Variants in NOL4L observed in about 807,000 individuals in gnomAD.
NOL4L encodes the protein nucleolar protein 4 like.
NOL4L carries 7 observed loss-of-function variants against 64.5 expected under a neutral mutation model. That is an observed-to-expected ratio of 0.11 (90% CI 0.06 to 0.20). NOL4L has a LOEUF of 0.20. Among genes scored for constraint, NOL4L ranks in the 10% least tolerant of loss-of-function variants. The pLI, the probability that NOL4L is intolerant of heterozygous loss-of-function variation, is 1.00. For synonymous variants in NOL4L, 413 were observed against 401.0 expected, an observed-to-expected ratio of 1.03 and a Z score of -0.36; for missense variants, 680 against 967.1, an observed-to-expected ratio of 0.70 and a Z score of 3.94.
intron 1 of NOL4L, among the ~76,000 whole-genome samples, chr20:32,570,325 C>T (rs1979680012): frequency 6.6e-6 from 1 of 152,214 alleles, no homozygotes; most frequent in Non-Finnish European, 1.5e-5. Flanking sequence ...AATCCTCCAT[C>T]ACATCTTAGG....
chr20:32,485,085 A>AAAAAAAAAAAAAAAAAC (rs1568643237), intron 4 of NOL4L, among the ~76,000 whole-genome samples: 8 of 144,414 alleles, frequency 5.5e-5, no homozygotes, highest in Admixed American at 1.4e-4. Flanking sequence ...AAAAAAAAAA[A>AAAAAAAAAAAAAAAAAC]AACAACTAAA....
rs2017046821 is a variant in NOL4L, at chr20:32,504,327, G to A, written c.699+7020C>T. On this transcript the variant is annotated intron_variant, in intron 4 of 10. Coordinates refer to ENST00000621426, the MANE Select transcript of NOL4L (RefSeq NM_001256798.2). ...TGTAATCCCAGCACTTTGGGAGGCT[G>A]AGGTGGGTAGATCACGAGGTCAGTA... Among the ~76,000 whole-genome samples, 4 of 152,250 alleles carry A rather than the reference G, an allele frequency of 2.6e-5. No individual in the cohort carries two copies. The South Asian group carries it at 8.3e-4, about 32-fold the overall frequency.
chr20:32,453,044 G>A lies in NOL4L; in HGVS notation c.1498-38C>T, dbSNP rs752083546. On this transcript the variant is annotated intron_variant, in intron 8 of 10. Coordinates refer to ENST00000621426, the MANE Select transcript of NOL4L (RefSeq NM_001256798.2). This position sits in a 1 kb window ranked among gnomAD's most constrained non-coding sequence, Gnocchi z 5.6. ...CGGGGATGGAGCTAGCATGGGGCCC[G>A]TGGGGGCCCTGGGCTTGTGCAGAGA... 1.2e-5 allele frequency: 20 copies of A among 1,609,250 alleles called. No homozygotes were observed. The highest frequency in any genetic ancestry group is 1.4e-5 in the Non-Finnish European group (16 of 1,179,420).
At chr20:32,511,244 C>T (rs780029440) in intron 4 of NOL4L, 103 bp downstream of exon 4, 8 of 703,514 alleles carry the variant, frequency 1.1e-5, no homozygotes, top group South Asian at 3.6e-5. Context: ...TTTGATTTCC[C>T]GTGTGTTTAC....
At position 32,453,775 on chromosome 20, in the gene NOL4L, A is replaced by G; in HGVS notation, c.1120-14T>C. On this transcript the variant is annotated splice_polypyrimidine_tract_variant and intron_variant, in intron 6 of 10. Transcript: ENST00000621426. The surrounding 1 kb of genome is among the most constrained non-coding windows in gnomAD (Gnocchi z 5.6). Reference sequence around the variant, plus strand: ...GTAGGGGGGGGACTAAAAGGAGGGCAAGAGGCAGAGGGTTGGGCCAAGCAG... The same window carrying G: ...GTAGGGGGGGGACTAAAAGGAGGGCGAGAGGCAGAGGGTTGGGCCAAGCAG... 3 of 1,551,590 alleles carry G rather than the reference A, an allele frequency of 1.9e-6. No homozygotes were observed. Among genetic ancestry groups the G allele is most frequent in the Non-Finnish European group, 2.6e-6 (3 of 1,146,850 alleles).
chr20:32,520,934 A>G lies in NOL4L; in HGVS notation c.478-12T>C. 2.0e-6 allele frequency: 3 copies of G among 1,534,544 alleles called. No individual in the cohort carries two copies. Among genetic ancestry groups the G allele is most frequent in the Non-Finnish European group, 2.6e-6 (3 of 1,133,516 alleles). ...TAGGTCTCTGCGATCTGGAGGAGAG[A>G]AGAGCTTCGCTTGTTATATGGATCT... On this transcript the variant is annotated splice_polypyrimidine_tract_variant and intron_variant, in intron 2 of 10. Coordinates refer to ENST00000621426, the MANE Select transcript of NOL4L (RefSeq NM_001256798.2).
At chr20:32,502,881 G>T (rs2145540485) in intron 4 of NOL4L, among the ~76,000 whole-genome samples, 1 of 152,302 alleles carries the variant, frequency 6.6e-6, no homozygotes, top group Non-Finnish European at 1.5e-5. Flanking sequence ...TTGCACTCCA[G>T]CCTGGGCAGC....
chr20:32,478,129 C>G (rs55652335), intron 4 of NOL4L, among the ~76,000 whole-genome samples: 210 of 152,266 alleles, frequency 1.4e-3, no homozygotes, highest in Non-Finnish European at 2.1e-3. Context: ...TGTCACCGCA[C>G]CATGGGCCAC....
chr20:32,488,821 CTTTCTTTTTCTTTCTT>C (rs1568648666), intron 4 of NOL4L, among the ~76,000 whole-genome samples: 590 of 31,118 alleles, frequency 0.019, 19 homozygotes, highest in Admixed American at 0.036. Flanking sequence ...TTCTTTCTTT[CTTTCTTTTTCTTTCTT>C]TCTTTCTTTC....
chr20:32,577,732 AG>A (rs1980205179), intron 1 of NOL4L, among the ~76,000 whole-genome samples: 1 of 152,240 alleles, frequency 6.6e-6, no homozygotes, highest in African/African-American at 2.4e-5. Context: ...AACATTTCTC[AG>A]GCCCCTGATA....
At chr20:32,503,484 T>C (rs1429168750) in intron 4 of NOL4L, among the ~76,000 whole-genome samples, 7 of 152,092 alleles carry the variant, frequency 4.6e-5, no homozygotes, top group African/African-American at 1.7e-4. Context: ...GAGAGCCCCA[T>C]GGGGAGAGAA....
intron 3 of NOL4L, chr20:32,519,650 G>C (rs541121297): frequency 6.6e-6 from 1 of 152,424 alleles, no homozygotes; most frequent in Admixed American, 6.5e-5. Context: ...CAAACAGATG[G>C]GCCCCCAGAT....
In NOL4L at chr20:32,447,130, G is replaced by T; in HGVS notation, c.*466C>A. 2.4e-6 allele frequency: 1 copy of T among 425,404 alleles called. No individual in the cohort carries two copies. Among genetic ancestry groups the T allele is most frequent in the South Asian group, 1.8e-5 (1 of 57,066 alleles). The allele number at this position is 425,404 out of a possible 1,614,324, so 26.4% of individuals were successfully genotyped here. A position where few individuals can be genotyped will look rare whatever the true frequency, so the allele number is the denominator to read the frequency against. ...TCAGACAGACACAGACTAGCAATCT[G>T]TACAAACACAAAAGAATCCATTTTC... is the stretch of plus-strand genomic sequence containing the variant. On this transcript the variant is annotated 3_prime_UTR_variant, in exon 11 of 11. Transcript: ENST00000621426.
intron 1 of NOL4L, among the ~76,000 whole-genome samples, chr20:32,533,762 G>A (rs1600846808): frequency 1.3e-5 from 2 of 152,306 alleles, no homozygotes; most frequent in Admixed American, 1.3e-4. Flanking sequence ...TCCCTTGGCA[G>A]GTCCTTTCTG....
chr20:32,458,928 C>G (rs1336058534), intron 5 of NOL4L, among the ~76,000 whole-genome samples: 1 of 152,256 alleles, frequency 6.6e-6, no homozygotes, highest in East Asian at 1.9e-4. Flanking sequence ...GCTCAGGGTG[C>G]TCCTGGAGCC....
chr20:32,576,479 C>T (rs989951422), intron 1 of NOL4L, among the ~76,000 whole-genome samples: 24 of 152,096 alleles, frequency 1.6e-4, no homozygotes, highest in African/African-American at 5.3e-4. Context: ...GGAAGGGCAG[C>T]GAGGAAGTGA....
intron 4 of NOL4L, among the ~76,000 whole-genome samples, chr20:32,510,960 G>A (rs1374471770): frequency 6.6e-6 from 1 of 152,112 alleles, no homozygotes; most frequent in Non-Finnish European, 1.5e-5. Flanking sequence ...AGAGGCCACA[G>A]GCAGGCGGCT....
chr20:32,477,077 C>T (rs993002941), intron 4 of NOL4L, among the ~76,000 whole-genome samples: 2 of 152,202 alleles, frequency 1.3e-5, no homozygotes, highest in South Asian at 2.1e-4. Context: ...CTGGCAGGGC[C>T]GTACCTGCCA....
Position 32,584,745 on chromosome 20 carries a change from T to C in NOL4L, c.146A>G (p.Tyr49Cys). ...AKTKTVTRSK[Y>C]QRIAEVLQGG... is the part of the protein sequence containing the mutation. Reference sequence around the variant, plus strand: ...CTGCAGGACCTCGGCGATCCGCTGGTATTTGCTGCGTGTCACCGTCTTGGT... The same window carrying C: ...CTGCAGGACCTCGGCGATCCGCTGGCATTTGCTGCGTGTCACCGTCTTGGT... Residue 49 changes from tyrosine to cysteine, a missense_variant, in exon 1 of 11, where the codon TAC becomes TGC. Around this residue, in one of 4 missense-constraint regions of NOL4L, gnomAD observed 181 missense variants for 335.2 expected, o/e 0.54. Transcript: ENST00000621426. The C allele has an allele frequency of 6.5e-7, 1 of 1,546,628 alleles. No individual in the cohort carries two copies. The highest frequency in any genetic ancestry group is 8.7e-7 in the Non-Finnish European group (1 of 1,145,544).
Sources: allele counts gnomAD v4.1 joint callset (sites outside exome capture counted in the v4.1 genomes callset), GRCh38; gene constraint gnomAD v4.1.1; regional missense constraint gnomAD v4.1.1; non-coding constraint Gnocchi (gnomAD v3.1); transcripts MANE v1.5; gene names NCBI Gene and HGNC (gene_info 2026-07-23, HGNC 2026-07-21).